MAN1A2: variants seen among roughly 807,000 people sequenced by gnomAD.
The protein encoded by MAN1A2 is mannosyl-oligosaccharide 1,2-alpha-mannosidase IB.
Under a neutral mutation model 75.7 loss-of-function variants are expected in MAN1A2, and 26 were observed. The ratio of observed to expected loss-of-function variants is 0.34; its 90% CI spans 0.25 to 0.48. MAN1A2 has a LOEUF of 0.48. Among genes scored for constraint, MAN1A2 ranks in the 20% least tolerant of loss-of-function variants. MAN1A2 has a pLI of 0.99. For synonymous variants in MAN1A2, 247 were observed against 264.6 expected, an observed-to-expected ratio of 0.93 and a Z score of 0.65; for missense variants, 562 against 775.5, an observed-to-expected ratio of 0.72 and a Z score of 3.27.
At chr1:117,426,838 T>C (rs1648393131) in intron 5 of MAN1A2, among the ~76,000 whole-genome samples, 1 of 152,192 alleles carries the variant, frequency 6.6e-6, no homozygotes, top group African/African-American at 2.4e-5. Context: ...TGTCACTACA[T>C]TATCTTATAG....
chr1:117,377,071 T>C (rs1022664259), intron 1 of MAN1A2, among the ~76,000 whole-genome samples: 4 of 152,218 alleles, frequency 2.6e-5, no homozygotes, highest in Non-Finnish European at 5.9e-5. Flanking sequence ...TAGCCATATA[T>C]ACATGAACAT....
At chr1:117,440,307 G>A (rs1189806903) in intron 5 of MAN1A2, among the ~76,000 whole-genome samples, 1 of 152,100 alleles carries the variant, frequency 6.6e-6, no homozygotes, top group Non-Finnish European at 1.5e-5. Context: ...GACTGATTTG[G>A]CACAAAATAC....
At chr1:117,374,303 A>C (rs1005210273) in intron 1 of MAN1A2, among the ~76,000 whole-genome samples, 3 of 152,190 alleles carry the variant, frequency 2.0e-5, no homozygotes, top group African/African-American at 4.8e-5. Context: ...TTTAAAAAAA[A>C]TTAACTTCTG....
At chr1:117,382,883 T>C (rs1378087279) in intron 1 of MAN1A2, among the ~76,000 whole-genome samples, 2 of 152,244 alleles carry the variant, frequency 1.3e-5, no homozygotes, top group Non-Finnish European at 2.9e-5. Flanking sequence ...GTTGATGTTA[T>C]GCACTACAAT....
chr1:117,415,365 C>T (rs1455868680), intron 4 of MAN1A2, among the ~76,000 whole-genome samples: 1 of 152,112 alleles, frequency 6.6e-6, no homozygotes, highest in Non-Finnish European at 1.5e-5. Context: ...TTGTCATATT[C>T]ACATCTTTTG....
intron 6 of MAN1A2, among the ~76,000 whole-genome samples, chr1:117,453,180 C>T (rs1418644465): frequency 6.6e-6 from 1 of 152,024 alleles, no homozygotes; most frequent in Non-Finnish European, 1.5e-5. Flanking sequence ...GTGAAGATGC[C>T]CAAGATTAAT....
intron 2 of MAN1A2, among the ~76,000 whole-genome samples, chr1:117,404,417 G>A (rs1647546480): frequency 6.6e-6 from 1 of 152,164 alleles, no homozygotes. Flanking sequence ...CAAACTAAGT[G>A]ATACAAATAG....
intron 10 of MAN1A2, among the ~76,000 whole-genome samples, chr1:117,497,771 G>T (rs1012251009): frequency 3.3e-5 from 5 of 151,788 alleles, no homozygotes; most frequent in Admixed American, 3.3e-4. Context: ...CACTGGACTA[G>T]ACCTTCCAAG....
In MAN1A2 at chr1:117,408,302, TAAAAAAAAAAA is replaced by T. The variant is rs1245208449; in HGVS notation, c.655+2667_655+2677del. Among the ~76,000 whole-genome samples, 918 of 119,670 alleles carry T rather than the reference TAAAAAAAAAAA, an allele frequency of 7.7e-3. 8 individuals carry two copies. Among genetic ancestry groups the T allele is most frequent in the African/African-American group, 0.027 (876 of 32,088 alleles). 78.5% of individuals were successfully genotyped at this position (119,670 alleles called of 152,430 possible). Reference sequence around the variant, plus strand: ...AGCAACATAGCAAAACCCTTTCTCTTAAAAAAAAAAAAAAAAAAAAGCAGAATGAGTTCTTT... The same window carrying T: ...AGCAACATAGCAAAACCCTTTCTCTTAAAAAAAAAGCAGAATGAGTTCTTT... On this transcript the variant is annotated intron_variant, in intron 3 of 12. Coordinates refer to ENST00000356554, the MANE Select transcript of MAN1A2 (RefSeq NM_006699.5).
chr1:117,405,628 A>G lies in MAN1A2; in HGVS notation c.638A>G (p.His213Arg). 2 of 1,590,636 alleles carry G rather than the reference A, an allele frequency of 1.3e-6. No individual in the cohort carries two copies. The highest frequency in any genetic ancestry group is 1.7e-6 in the Non-Finnish European group (2 of 1,158,932). Reference sequence around the variant, plus strand: ...CTCAGACCTATTGCAAGGAAAGGACACTCCCCTAACATATTTGGTAAGTTT... The same window carrying G: ...CTCAGACCTATTGCAAGGAAAGGACGCTCCCCTAACATATTTGGTAAGTTT... Reference protein sequence around the residue: ...NELRPIARKGHSPNIFGSSQM... With the variant: ...NELRPIARKGRSPNIFGSSQM... The change falls in exon 3 of 13, where the codon CAC becomes CGC. Residue 213 changes from histidine to arginine, a missense_variant. By Grantham distance (29) the His-to-Arg change is conservative. Coordinates refer to ENST00000356554, the MANE Select transcript of MAN1A2 (RefSeq NM_006699.5).
At chr1:117,485,129 C>G (rs1650630810) in intron 8 of MAN1A2, among the ~76,000 whole-genome samples, 1 of 151,890 alleles carries the variant, frequency 6.6e-6, no homozygotes, top group Admixed American at 6.6e-5. Flanking sequence ...CTTACAAGTT[C>G]CATGCCATAA....
chr1:117,394,726 A>C (rs1653852495), intron 1 of MAN1A2, among the ~76,000 whole-genome samples: 1 of 152,144 alleles, frequency 6.6e-6, no homozygotes, highest in Non-Finnish European at 1.5e-5. Flanking sequence ...CTTCAAAGGA[A>C]GGATCAATTT....
intron 8 of MAN1A2, among the ~76,000 whole-genome samples, chr1:117,473,725 T>A (rs1157684956): frequency 6.6e-6 from 1 of 151,986 alleles, no homozygotes. Flanking sequence ...TCTTCAGGTT[T>A]TTTTACTCAA....
In MAN1A2 at chr1:117,526,841, C is replaced by CCTCTCTCTCTCTCTCTCTCTCTCTCTCT. The variant is rs759656863; in HGVS notation, c.*3897_*3924dup. 1 of 66,116 alleles carries CCTCTCTCTCTCTCTCTCTCTCTCTCTCT rather than the reference C, an allele frequency of 1.5e-5. No homozygotes were observed. The highest frequency in any genetic ancestry group is 6.9e-5 in the African/African-American group (1 of 14,482). The allele number at this position is 66,116 out of a possible 1,614,324, so 4.1% of individuals were successfully genotyped here. ...TCAAATTGGCTAGGTCCTATCTTTT[C>CCTCTCTCTCTCTCTCTCTCTCTCTCTCT]CTCTCTCTCTCTCTCTCTCTCTCTC... On this transcript the variant is annotated 3_prime_UTR_variant, in exon 13 of 13. Transcript: ENST00000356554.
At chr1:117,434,940 G>A (rs1305503515) in intron 5 of MAN1A2, among the ~76,000 whole-genome samples, 1 of 151,880 alleles carries the variant, frequency 6.6e-6, no homozygotes, top group African/African-American at 2.4e-5. Flanking sequence ...ATACGTGGAG[G>A]GGGGTATAAA....
chr1:117,495,272 A>G (rs2101875508), intron 9 of MAN1A2, among the ~76,000 whole-genome samples: 1 of 151,960 alleles, frequency 6.6e-6, no homozygotes, highest in African/African-American at 2.4e-5. Flanking sequence ...TACCTAATAA[A>G]TGTTTTTTAA....
At chr1:117,458,233 C>T (rs916875676) in intron 6 of MAN1A2, among the ~76,000 whole-genome samples, 3 of 151,818 alleles carry the variant, frequency 2.0e-5, no homozygotes, top group Non-Finnish European at 4.4e-5. Context: ...TAAACACTTA[C>T]ATTTGTGAAA....
At position 117,466,314 on chromosome 1, in the gene MAN1A2, C is replaced by T. The variant is rs1014353366; in HGVS notation, c.1075-20C>T. On this transcript the variant is annotated intron_variant, in intron 7 of 12. Coordinates refer to ENST00000356554, the MANE Select transcript of MAN1A2 (RefSeq NM_006699.5). Reference sequence around the variant, plus strand: ...GACACTTATTTTTATTAATTGCATTCTTAATTTTATTTTACTCAGGTTATG... The same window carrying T: ...GACACTTATTTTTATTAATTGCATTTTTAATTTTATTTTACTCAGGTTATG... 23 of 1,504,704 alleles carry T rather than the reference C, an allele frequency of 1.5e-5. No individual in the cohort carries two copies. The African/African-American group carries it at 3.2e-4, about 21-fold the overall frequency. 93.2% of individuals were successfully genotyped at this position (1,504,704 alleles called of 1,614,324 possible).
At chr1:117,511,982 A>G (rs574199982) in intron 12 of MAN1A2, among the ~76,000 whole-genome samples, 1 of 152,124 alleles carries the variant, frequency 6.6e-6, no homozygotes, top group Non-Finnish European at 1.5e-5. Flanking sequence ...GGATTGAATC[A>G]TTTCATTTCA....
Sources: gnomAD v4.1 joint callset for allele counts (sites outside exome capture counted in the v4.1 genomes callset) on GRCh38, gnomAD v4.1.1 for gene constraint, MANE v1.5 for transcripts, NCBI Gene and HGNC (gene_info 2026-07-23, HGNC 2026-07-21) for gene names.